TVP23A: variants seen among roughly 807,000 people sequenced by gnomAD.
TVP23A encodes the protein Golgi apparatus membrane protein TVP23 homolog A.
In TVP23A, 21 loss-of-function variants were observed where a neutral mutation model predicts 31.7. That is an observed-to-expected ratio of 0.66 (90% CI 0.47 to 0.95). TVP23A has a LOEUF of 0.95. Ranked by LOEUF, TVP23A falls within the 40% of genes least tolerant of loss-of-function variation. TVP23A has a pLI of 0.00. For missense variants in TVP23A, 279 were observed against 255.6 expected (o/e 1.09, Z -0.62); for synonymous variants, 104 against 96.0 (o/e 1.08, Z -0.49).
intron 2 of TVP23A, among the ~76,000 whole-genome samples, chr16:10,791,189 G>A (rs1348227772): frequency 2.6e-5 from 4 of 151,952 alleles, no homozygotes; most frequent in Non-Finnish European, 4.4e-5. Flanking sequence ...TTTTGAGAAC[G>A]GAAGAAAGAG....
At chr16:10,799,874 C>T (rs2033606946) in intron 2 of TVP23A, among the ~76,000 whole-genome samples, 1 of 152,086 alleles carries the variant, frequency 6.6e-6, no homozygotes, top group African/African-American at 2.4e-5. Context: ...AGCAGAGAGG[C>T]CCGAGACTGA....
chr16:10,791,094 A>C (rs908694667), intron 2 of TVP23A, among the ~76,000 whole-genome samples: 1 of 152,144 alleles, frequency 6.6e-6, no homozygotes, highest in Non-Finnish European at 1.5e-5. Context: ...GAGATAAAAA[A>C]CTACCATGCC....
chr16:10,769,175 C>A, intron 7 of TVP23A, 74 bp from the exon 8 acceptor site: 2 of 1,426,336 alleles, frequency 1.4e-6, no homozygotes, highest in Non-Finnish European at 2.0e-6. Flanking sequence ...CCAGCCAGAC[C>A]CGACCAGCTC....
At chr16:10,805,054 T>A (rs950652689) in intron 2 of TVP23A, among the ~76,000 whole-genome samples, 42 of 152,120 alleles carry the variant, frequency 2.8e-4, no homozygotes, top group African/African-American at 1.0e-3. Flanking sequence ...CTTTCTTTTT[T>A]TCAGACAGAG....
intron 2 of TVP23A, among the ~76,000 whole-genome samples, chr16:10,801,305 T>C (rs1486267907): frequency 6.6e-6 from 1 of 152,210 alleles, no homozygotes; most frequent in East Asian, 1.9e-4. Flanking sequence ...AAGCATAACC[T>C]GGATATAATC....
intron 2 of TVP23A, among the ~76,000 whole-genome samples, chr16:10,789,585 T>C (rs890626533): frequency 6.6e-6 from 1 of 150,494 alleles, no homozygotes; most frequent in Non-Finnish European, 1.5e-5. Flanking sequence ...TCCCAGCACT[T>C]TGGGAGGCTG....
At chr16:10,805,657 C>T (rs569726889) in intron 2 of TVP23A, among the ~76,000 whole-genome samples, 19 of 151,128 alleles carry the variant, frequency 1.3e-4, no homozygotes, top group East Asian at 5.8e-4. Flanking sequence ...GGCCCCTGGA[C>T]GCTTTTTTAT....
chr16:10,758,024 C>G (rs201474900), downstream of TVP23A: 4 of 1,612,418 alleles, frequency 2.5e-6, no homozygotes, highest in African/African-American at 5.3e-5. Context: ...TCACCACTCC[C>G]CAGGTGAGCG....
intron 2 of TVP23A, among the ~76,000 whole-genome samples, chr16:10,807,690 G>A (rs1195979254): frequency 6.6e-6 from 1 of 152,112 alleles, no homozygotes; most frequent in Non-Finnish European, 1.5e-5. Context: ...CTAAAGAGTG[G>A]GGTCAATTCT....
chr16:10,798,860 C>T (rs931835959), intron 2 of TVP23A, among the ~76,000 whole-genome samples: 1 of 152,004 alleles, frequency 6.6e-6, no homozygotes, highest in African/African-American at 2.4e-5. Flanking sequence ...GATGGGGTTT[C>T]ACCATGTTGG....
intron 2 of TVP23A, among the ~76,000 whole-genome samples, chr16:10,789,127 C>T (rs1385689352): frequency 1.3e-5 from 2 of 152,180 alleles, no homozygotes; most frequent in Non-Finnish European, 2.9e-5. Flanking sequence ...CGTGCCCGGA[C>T]AAGAGCAAGG....
At chr16:10,758,237 G>A (rs1008814368), downstream of TVP23A, among the ~76,000 whole-genome samples, 2 of 152,232 alleles carry the variant, frequency 1.3e-5, no homozygotes, top group African/African-American at 4.8e-5. Flanking sequence ...TTGGGAGGCT[G>A]AGATGGGAGG....
downstream of TVP23A, chr16:10,757,935 AC>A (rs1184874826): frequency 1.2e-6 from 2 of 1,613,140 alleles, no homozygotes; most frequent in South Asian, 2.2e-5. This position sits in a 1 kb window ranked among gnomAD's most constrained non-coding sequence, Gnocchi z 4.1. Flanking sequence ...CATTGTGGAC[AC>A]CCCACCTGGG....
downstream of TVP23A, chr16:10,761,874 T>C (rs1596465747): frequency 6.2e-7 from 1 of 1,603,010 alleles, no homozygotes. Flanking sequence ...GTGACCCCAG[T>C]GTGGGGCGGC....
At chr16:10,793,005 C>A (rs376181823) in intron 2 of TVP23A, among the ~76,000 whole-genome samples, 1 of 152,066 alleles carries the variant, frequency 6.6e-6, no homozygotes. Context: ...AGAGACATAC[C>A]CAGCAGGGCA....
chr16:10,798,116 C>T (rs1596549486), intron 2 of TVP23A, among the ~76,000 whole-genome samples: 2 of 151,562 alleles, frequency 1.3e-5, no homozygotes, highest in African/African-American at 2.4e-5. Flanking sequence ...CCACCACGCC[C>T]AGCTAATTTT....
Position 10,771,750 on chromosome 16 carries a change from A to G in TVP23A, c.502T>C (p.Tyr168His), listed in dbSNP as rs558580884. 1.5e-5 allele frequency: 24 copies of G among 1,605,398 alleles called. No homozygotes were observed. The East Asian group carries it at 5.2e-4, about 34-fold the overall frequency. Reference sequence around the variant, plus strand: ...TTGCCTCCCATCTTACAAAGGATGTAGCCATACAGGTTTGCAGCTTGGAGA... The same window carrying G: ...TTGCCTCCCATCTTACAAAGGATGTGGCCATACAGGTTTGCAGCTTGGAGA... ...ISLQAANLYG[Y>H]ILCKMGGNSD... The change falls in exon 6 of 8, where the codon TAC (tyrosine) becomes CAC (histidine). Residue 168 changes from tyrosine (Y) to histidine (H), a missense_variant. Transcript: ENST00000299866.
intron 7 of TVP23A, chr16:10,769,395 A>G (rs1567273088): frequency 2.8e-6 from 1 of 359,490 alleles, no homozygotes; most frequent in Non-Finnish European, 5.0e-6. Context: ...GGGTTGTGGG[A>G]TCGTGGGATT....
Position 10,767,872 on chromosome 16 carries a change from G to A in TVP23A, c.*1230C>T, listed in dbSNP as rs969427806. 56 of 1,352,290 alleles carry A rather than the reference G, an allele frequency of 4.1e-5. No individual in the cohort carries two copies. The East Asian group carries it at 1.0e-3, about 25-fold the overall frequency. 83.8% of individuals were successfully genotyped at this position (1,352,290 alleles called of 1,614,324 possible). ...AAGATCTTCCCATTGTCACCAGCAC[G>A]GAAAGAGCCCCAAGATCTTGTGGCC... On this transcript the variant is annotated 3_prime_UTR_variant, in exon 8 of 8. Coordinates refer to ENST00000299866, the MANE Select transcript of TVP23A (RefSeq NM_001079512.4). This position sits in a 1 kb window ranked among gnomAD's most constrained non-coding sequence, Gnocchi z 4.6.
Sources: gnomAD v4.1 joint callset for allele counts (sites outside exome capture counted in the v4.1 genomes callset) on GRCh38, gnomAD v4.1.1 for gene constraint, Gnocchi (gnomAD v3.1) non-coding constraint, MANE v1.5 for transcripts, NCBI Gene and HGNC (gene_info 2026-07-23, HGNC 2026-07-21) for gene names.